UBP1: variants seen among roughly 807,000 people sequenced by gnomAD.
UBP1 encodes the protein upstream binding protein 1, also known as upstream-binding protein 1.
UBP1 carries 22 observed loss-of-function variants against 76.1 expected under a neutral mutation model. The ratio of observed to expected loss-of-function variants is 0.29; its 90% CI spans 0.21 to 0.41. The LOEUF (loss-of-function observed/expected upper bound fraction) is 0.41, where lower values mean the gene tolerates loss of function less well. Among genes scored for constraint, UBP1 ranks in the 10% least tolerant of loss-of-function variants. UBP1 has a pLI of 1.00. For missense variants in UBP1, 436 were observed against 668.1 expected (o/e 0.65, Z 3.83); for synonymous variants, 224 against 237.1 (o/e 0.94, Z 0.51).
chr3:33,400,137 GAAAC>G, intron 11 of UBP1, 48 bp downstream of exon 11: 1 of 1,229,324 alleles, frequency 8.1e-7, no homozygotes, highest in Non-Finnish European at 1.1e-6. Context: ...TAAAAGCACA[GAAAC>G]AAAAACAAAA....
chr3:33,416,667 A>G lies in UBP1; in HGVS notation c.342+91T>C, dbSNP rs1030726078. Reference sequence around the variant, plus strand: ...CATAAAGTTAAAAAGTTGTAATACAACAATTATTGAAGTGAAATTAATTTT... The same window carrying G: ...CATAAAGTTAAAAAGTTGTAATACAGCAATTATTGAAGTGAAATTAATTTT... On this transcript the variant is annotated intron_variant, in intron 3 of 15. Transcript: ENST00000283629. 3.9e-6 allele frequency: 4 copies of G among 1,012,828 alleles called. No individual in the cohort carries two copies. In the Admixed American group the frequency reaches 7.8e-5, roughly 20 times the overall value. 62.7% of individuals were successfully genotyped at this position (1,012,828 alleles called of 1,614,324 possible). A position where few individuals can be genotyped will look rare whatever the true frequency, so the allele number is the denominator to read the frequency against.
chr3:33,432,153 T>G (rs2045124997), intron 1 of UBP1, among the ~76,000 whole-genome samples: 2 of 151,956 alleles, frequency 1.3e-5, no homozygotes, highest in African/African-American at 4.8e-5. Context: ...AAACCCCGTC[T>G]CTACAAAAAA....
At chr3:33,406,189 G>A (rs2044415845) in intron 8 of UBP1, among the ~76,000 whole-genome samples, 1 of 152,158 alleles carries the variant, frequency 6.6e-6, no homozygotes, top group Non-Finnish European at 1.5e-5. Context: ...TGAGGCAGGA[G>A]GACTGCTTGA....
intron 15 of UBP1, chr3:33,391,284 G>C (rs1380155418): frequency 6.6e-6 from 1 of 152,192 alleles, no homozygotes; most frequent in African/African-American, 2.4e-5. Context: ...GACCGGATTT[G>C]GATCTTAGCT....
At chr3:33,392,796 T>C (rs2043821135) in intron 14 of UBP1, 182 bp from the exon 15 acceptor site, 2 of 567,550 alleles carry the variant, frequency 3.5e-6, no homozygotes, top group Non-Finnish European at 6.0e-6. Flanking sequence ...GTGTTCACTA[T>C]GCCTGTCCAT....
intron 15 of UBP1, chr3:33,392,294 A>G (rs569236914): frequency 2.8e-6 from 1 of 352,044 alleles, no homozygotes; most frequent in African/African-American, 2.1e-5. Context: ...CCACTGAGCG[A>G]CAGAAGCACG....
intron 1 of UBP1, 124 bp from the exon 2 acceptor site, chr3:33,425,865 GTT>G: frequency 2.9e-6 from 2 of 684,830 alleles, no homozygotes; most frequent in South Asian, 4.5e-5. Context: ...TTTAGGGATA[GTT>G]TTTTTTTTAA....
intron 1 of UBP1, among the ~76,000 whole-genome samples, chr3:33,426,626 T>G (rs926703559): frequency 1.5e-4 from 23 of 152,174 alleles, no homozygotes; most frequent in Non-Finnish European, 5.9e-5. Context: ...CACCCACTGA[T>G]TTGTTTTCTA....
At chr3:33,405,194 A>T (rs997639444) in intron 8 of UBP1, among the ~76,000 whole-genome samples, 2 of 152,180 alleles carry the variant, frequency 1.3e-5, no homozygotes, top group East Asian at 1.9e-4. Context: ...TAAGAAAAAA[A>T]TTTTTAAAGA....
intron 1 of UBP1, among the ~76,000 whole-genome samples, chr3:33,436,773 C>T (rs973044338): frequency 2.0e-5 from 3 of 152,142 alleles, no homozygotes; most frequent in Non-Finnish European, 4.4e-5. Context: ...CTTCACAAAA[C>T]GAGAATGACC....
Position 33,425,717 on chromosome 3 carries a change from G to C in UBP1, c.138C>G (p.Phe46Leu), listed in dbSNP as rs147941472. 6.3e-7 allele frequency: 1 copy of C among 1,597,110 alleles called. No homozygotes were observed. The change falls in exon 2 of 16, where the codon TTC (phenylalanine) becomes TTG (leucine). Residue 46 changes from phenylalanine (F) to leucine (L), a missense_variant. Transcript: ENST00000283629. ...ATGGAAGGCTGGAATCTTCCTGCTT[G>C]AAAATGGGCAATGCCAAGACATCAC... is the stretch of plus-strand genomic sequence containing the variant. ...SMSDVLALPI[F>L]KQEDSSLPLD...
chr3:33,404,275 A>G (rs1374629680), intron 8 of UBP1, among the ~76,000 whole-genome samples: 2 of 151,972 alleles, frequency 1.3e-5, no homozygotes, highest in Non-Finnish European at 2.9e-5. Flanking sequence ...AGCTGGGCGT[A>G]GTGGCGTGTG....
chr3:33,413,565 A>C (rs926431650), intron 3 of UBP1, among the ~76,000 whole-genome samples: 3 of 150,114 alleles, frequency 2.0e-5, no homozygotes, highest in African/African-American at 4.9e-5. Flanking sequence ...AAAAAAAAAA[A>C]CTTTGAGTTT....
At chr3:33,413,418 G>A (rs1255690070) in intron 3 of UBP1, among the ~76,000 whole-genome samples, 2 of 151,758 alleles carry the variant, frequency 1.3e-5, no homozygotes, top group East Asian at 1.9e-4. Flanking sequence ...ATGGTGGTGG[G>A]CGCCTGTAGT....
At chr3:33,416,871 T>C (rs1273868371) in intron 2 of UBP1, 37 bp from the exon 3 acceptor site, 4 of 1,506,218 alleles carry the variant, frequency 2.7e-6, no homozygotes, top group Non-Finnish European at 9.2e-7. Context: ...ACAATCCTTA[T>C]AAAGAACATC....
intron 1 of UBP1, among the ~76,000 whole-genome samples, chr3:33,431,372 A>G (rs940791564): frequency 6.6e-6 from 1 of 152,202 alleles, no homozygotes; most frequent in African/African-American, 2.4e-5. Context: ...AAGAAGCCCA[A>G]ATGACCAAAC....
At chr3:33,439,557 C>T (rs2045256010) in intron 1 of UBP1, among the ~76,000 whole-genome samples, 179 bp downstream of exon 1, 1 of 152,238 alleles carries the variant, frequency 6.6e-6, no homozygotes. Flanking sequence ...CGCCCGTCAC[C>T]AGGGCGAGCA....
intron 15 of UBP1, 113 bp from the exon 16 acceptor site, chr3:33,390,481 T>A: frequency 9.1e-7 from 1 of 1,103,750 alleles, no homozygotes; most frequent in Non-Finnish European, 1.3e-6. Context: ...AGGTTACCTT[T>A]AAATGATTCT....
chr3:33,439,815 C>G lies in UBP1; in HGVS notation c.34G>C (p.Glu12Gln). 1 of 1,612,694 alleles carries G rather than the reference C, an allele frequency of 6.2e-7. No individual in the cohort carries two copies. The highest frequency in any genetic ancestry group is 8.5e-7 in the Non-Finnish European group (1 of 1,179,658). ...TCGAAGTCGTGCACCAGCCCGGACT[C>G]GATCACCTCGTCCATCTTGAGCACC... ...AWVLKMDEVI[E>Q]SGLVHDFDAS... The change falls in exon 1 of 16, where the codon GAG (glutamate) becomes CAG (glutamine). Residue 12 changes from glutamate (E) to glutamine (Q), a missense_variant. By Grantham distance (29) the Glu-to-Gln change is conservative. Around this residue, in one of 3 missense-constraint regions of UBP1, gnomAD observed 161 missense variants for 237.9 expected, o/e 0.68. Coordinates refer to ENST00000283629, the MANE Select transcript of UBP1 (RefSeq NM_014517.5).
Sources: gnomAD v4.1 joint callset for allele counts (sites outside exome capture counted in the v4.1 genomes callset) on GRCh38, gnomAD v4.1.1 for gene constraint, gnomAD v4.1.1 regional missense constraint, MANE v1.5 for transcripts, NCBI Gene and HGNC (gene_info 2026-07-23, HGNC 2026-07-21) for gene names.